NCAM1: variants seen among roughly 807,000 people sequenced by gnomAD.
NCAM1 encodes the protein antigen recognized by monoclonal antibody 5.1H11.
A neutral mutation model predicts 109.8 loss-of-function variants in NCAM1; 14 were observed. That is an observed-to-expected ratio of 0.13 (90% confidence interval 0.08 to 0.20). The LOEUF (loss-of-function observed/expected upper bound fraction) is 0.20. Ranked by LOEUF, NCAM1 falls within the 10% of genes least tolerant of loss-of-function variation. The pLI is 1.00. For synonymous variants in NCAM1, 418 were observed against 442.9 expected (o/e 0.94, Z 0.70); for missense variants, 774 against 1,109.9 (o/e 0.70, Z 4.30).
chr11:113,053,712 G>A (rs944461493), intron 1 of NCAM1, among the ~76,000 whole-genome samples: 1 of 152,110 alleles, frequency 6.6e-6, no homozygotes, highest in Non-Finnish European at 1.5e-5. Flanking sequence ...AGATGCCTCT[G>A]GTCTGTCCCT....
chr11:113,100,785 G>A (rs553691755), intron 1 of NCAM1, among the ~76,000 whole-genome samples: 15 of 152,238 alleles, frequency 9.9e-5, no homozygotes, highest in South Asian at 8.3e-4. Flanking sequence ...CAACATTCAG[G>A]CAGGAAAACA....
intron 1 of NCAM1, among the ~76,000 whole-genome samples, chr11:113,076,117 G>A (rs535400078): frequency 1.9e-3 from 293 of 152,326 alleles, no homozygotes; most frequent in South Asian, 9.3e-3. Flanking sequence ...AGAGGCTGGG[G>A]TTCTGGCATG....
chr11:113,102,452 AT>A, intron 1 of NCAM1, among the ~76,000 whole-genome samples: 1 of 152,090 alleles, frequency 6.6e-6, no homozygotes, highest in East Asian at 1.9e-4. Flanking sequence ...TTTAATCAGT[AT>A]TTTTTTCTGG....
chr11:113,042,794 G>A (rs957967321), intron 1 of NCAM1, among the ~76,000 whole-genome samples: 1 of 152,008 alleles, frequency 6.6e-6, no homozygotes, highest in Non-Finnish European at 1.5e-5. Flanking sequence ...GCCTTTGCAG[G>A]GTCACTGCCA....
intron 1 of NCAM1, among the ~76,000 whole-genome samples, chr11:113,147,945 AC>A (rs1942076595): frequency 1.3e-5 from 2 of 152,184 alleles, no homozygotes; most frequent in Non-Finnish European, 2.9e-5. Flanking sequence ...ATACAATCAT[AC>A]CTGTGCCAGT....
chr11:113,173,627 T>TA (rs1555106599), intron 1 of NCAM1, among the ~76,000 whole-genome samples: 3 of 137,744 alleles, frequency 2.2e-5, no homozygotes, highest in Non-Finnish European at 4.7e-5. Flanking sequence ...TATATATATA[T>TA]TTTAGAGGGT....
chr11:113,005,706 A>G (rs1371120830), intron 1 of NCAM1, among the ~76,000 whole-genome samples: 1 of 152,176 alleles, frequency 6.6e-6, no homozygotes, highest in Non-Finnish European at 1.5e-5. Context: ...TGCTCATTTT[A>G]CAGACTTTCA....
intron 1 of NCAM1, among the ~76,000 whole-genome samples, chr11:113,008,113 T>C (rs923763728): frequency 8.5e-5 from 13 of 152,354 alleles, no homozygotes; most frequent in Admixed American, 8.5e-4. Context: ...TCATTAATTA[T>C]GGTAACTAAG....
intron 1 of NCAM1, among the ~76,000 whole-genome samples, chr11:113,120,007 A>G (rs1040082034): frequency 2.6e-5 from 4 of 152,232 alleles, no homozygotes; most frequent in African/African-American, 9.6e-5. Context: ...GAAGATTTGC[A>G]TTGAGTACTC....
intron 1 of NCAM1, among the ~76,000 whole-genome samples, chr11:113,095,588 C>T (rs1376807241): frequency 2.6e-5 from 4 of 152,212 alleles, no homozygotes; most frequent in African/African-American, 4.8e-5. Context: ...AGCTAAGACT[C>T]GCCAAATCCC....
At chr11:113,130,247 T>A (rs1216708347) in intron 1 of NCAM1, among the ~76,000 whole-genome samples, 1 of 152,230 alleles carries the variant, frequency 6.6e-6, no homozygotes, top group African/African-American at 2.4e-5. Flanking sequence ...TGGAATTAAC[T>A]TTTTTAAAAA....
rs140292904 is a variant in NCAM1 at position 112,991,306 on chromosome 11, A to G, written c.52+29642A>G. Among the ~76,000 whole-genome samples, 293 of 152,320 alleles carry G rather than the reference A, an allele frequency of 1.9e-3. 1 individual carries two copies. The highest frequency in any genetic ancestry group is 6.7e-3 in the African/African-American group (280 of 41,562). On this transcript the variant is annotated intron_variant, in intron 1 of 19. Coordinates refer to ENST00000316851, the MANE Select transcript of NCAM1 (RefSeq NM_181351.5). The stretch of plus-strand genomic sequence containing the variant: ...TACCCCAGGGCACATCAAATGATCA[A>G]TTAAATAAACAAACTAGAATTTAGA...
intron 2 of NCAM1, among the ~76,000 whole-genome samples, 195 bp downstream of exon 2, chr11:113,202,648 C>A (rs1944103707): frequency 3.3e-5 from 5 of 152,208 alleles, no homozygotes; most frequent in Admixed American, 3.3e-4. Flanking sequence ...TCTGCCTCAA[C>A]ATAGCAAATC....
intron 1 of NCAM1, among the ~76,000 whole-genome samples, chr11:113,175,772 A>G (rs1444508956): frequency 2.0e-5 from 3 of 152,230 alleles, no homozygotes. Context: ...CCCTATATTT[A>G]TAATCCCAAC....
At chr11:113,041,028 A>C (rs1953055751) in intron 1 of NCAM1, 1 of 152,244 alleles carries the variant, frequency 6.6e-6, no homozygotes, top group Non-Finnish European at 1.5e-5. Flanking sequence ...ATAGCATGGC[A>C]TAGTTTCCAT....
intron 1 of NCAM1, among the ~76,000 whole-genome samples, chr11:113,142,389 CAT>C (rs1941861624): frequency 6.6e-6 from 1 of 152,300 alleles, no homozygotes; most frequent in Middle Eastern, 3.4e-3. Context: ...GATGCAGAAA[CAT>C]AAGTTTTAAA....
intron 1 of NCAM1, among the ~76,000 whole-genome samples, chr11:112,977,011 G>GA (rs1951026211): frequency 6.6e-6 from 1 of 151,616 alleles, no homozygotes; most frequent in African/African-American, 2.4e-5. Flanking sequence ...GTGATACTTT[G>GA]TGGGTGAAGA....
chr11:113,059,774 T>C (rs912909087), intron 1 of NCAM1, among the ~76,000 whole-genome samples: 3 of 152,204 alleles, frequency 2.0e-5, no homozygotes, highest in African/African-American at 7.2e-5. Flanking sequence ...ATTGGGACAT[T>C]GTGGCCACCT....
chr11:113,106,202 T>G (rs1329139088), intron 1 of NCAM1, among the ~76,000 whole-genome samples: 1 of 152,190 alleles, frequency 6.6e-6, no homozygotes, highest in African/African-American at 2.4e-5. Flanking sequence ...CAGGTCTCAT[T>G]TATGTGATGA....
Sources: allele counts gnomAD v4.1 joint callset (sites outside exome capture counted in the v4.1 genomes callset), GRCh38; gene constraint gnomAD v4.1.1; transcripts MANE v1.5; gene names NCBI Gene and HGNC (gene_info 2026-07-23, HGNC 2026-07-21).